Variants in JMJD1C observed in about 807,000 individuals in gnomAD.
JMJD1C encodes the protein jumonji domain-containing protein 1C.
A neutral mutation model predicts 245.3 loss-of-function variants in JMJD1C; 31 were observed. That is an observed-to-expected ratio of 0.13 (90% CI 0.09 to 0.17). The LOEUF is 0.17. Among genes scored for constraint, JMJD1C ranks in the 10% least tolerant of loss-of-function variants. JMJD1C has a pLI of 1.00. For missense variants in JMJD1C, 2,691 were observed against 3,000.2 expected, an observed-to-expected ratio of 0.90 and a Z score of 2.41; for synonymous variants, 1,057 against 1,017.4, an observed-to-expected ratio of 1.04 and a Z score of -0.74.
intron 10 of JMJD1C, chr10:63,204,309 T>TA: frequency 1.0e-6 from 1 of 985,380 alleles, no homozygotes; most frequent in Non-Finnish European, 1.2e-6. Flanking sequence ...GAGATTTGAC[T>TA]AAACATTACA....
chr10:63,244,726 CAA>C (rs1851944767), intron 3 of JMJD1C, among the ~76,000 whole-genome samples: 1 of 145,964 alleles, frequency 6.9e-6, no homozygotes, highest in African/African-American at 2.5e-5. Context: ...CTATCGTCCT[CAA>C]GAGACTGAGG....
chr10:63,378,358 G>A (rs951229065), intron 2 of JMJD1C, among the ~76,000 whole-genome samples: 15 of 152,096 alleles, frequency 9.9e-5, no homozygotes, highest in East Asian at 1.9e-4. Context: ...TTGGAGGGCC[G>A]AGGCGGGTGG....
At chr10:63,359,764 G>A (rs1447569099) in intron 2 of JMJD1C, among the ~76,000 whole-genome samples, 1 of 152,138 alleles carries the variant, frequency 6.6e-6, no homozygotes, top group African/African-American at 2.4e-5. Context: ...AGTTATTGAA[G>A]AAAGTACTGA....
At chr10:63,321,960 T>C (rs1237252534) in intron 2 of JMJD1C, among the ~76,000 whole-genome samples, 2 of 152,216 alleles carry the variant, frequency 1.3e-5, no homozygotes, top group African/African-American at 4.8e-5. Flanking sequence ...CCCTTCTAAC[T>C]GCTGAAGCTG....
chr10:63,476,394 G>A (rs1409447375), intron 1 of JMJD1C, among the ~76,000 whole-genome samples: 1 of 151,914 alleles, frequency 6.6e-6, no homozygotes, highest in African/African-American at 2.4e-5. Flanking sequence ...CAAATTCTCA[G>A]CATAAATACG....
chr10:63,455,178 G>C (rs887937902), intron 1 of JMJD1C, among the ~76,000 whole-genome samples: 6 of 152,284 alleles, frequency 3.9e-5, no homozygotes, highest in African/African-American at 1.4e-4. Context: ...GTGGGAGTGA[G>C]ATTATTCAAA....
At chr10:63,399,603 A>C (rs1948728033) in intron 1 of JMJD1C, among the ~76,000 whole-genome samples, 2 of 152,206 alleles carry the variant, frequency 1.3e-5, no homozygotes, top group African/African-American at 4.8e-5. Flanking sequence ...AACAGTCTAG[A>C]AATAATAATA....
chr10:63,235,145 C>A (rs184993891), intron 3 of JMJD1C, among the ~76,000 whole-genome samples: 48 of 152,256 alleles, frequency 3.2e-4, no homozygotes, highest in Non-Finnish European at 5.9e-4. Flanking sequence ...GTTTCAGATA[C>A]TGTGCTAGAA....
chr10:63,277,262 G>A (rs546440660), intron 2 of JMJD1C, among the ~76,000 whole-genome samples: 3 of 149,332 alleles, frequency 2.0e-5, no homozygotes, highest in South Asian at 4.3e-4. Flanking sequence ...GCCTCCCCGA[G>A]TGCCAGGGCA....
chr10:63,329,868 C>A (rs1360497480), intron 2 of JMJD1C, among the ~76,000 whole-genome samples: 1 of 152,136 alleles, frequency 6.6e-6, no homozygotes, highest in African/African-American at 2.4e-5. Context: ...TGATTTTGCC[C>A]AACTATAGGG....
chr10:63,301,856 A>G, intron 2 of JMJD1C: 1 of 378,220 alleles, frequency 2.6e-6, no homozygotes, highest in Non-Finnish European at 5.2e-6. Context: ...TGAAGAAAAA[A>G]CAAACAAATG....
intron 23 of JMJD1C, 65 bp from the exon 24 acceptor site, chr10:63,176,538 A>C (rs1233399671): frequency 8.3e-7 from 1 of 1,205,324 alleles, no homozygotes; most frequent in East Asian, 2.4e-5. Context: ...TGTTCAGTTA[A>C]ATTTCAATTT....
rs576484869 is a variant in JMJD1C, at chr10:63,327,077, C to T, written c.333+53241G>A. ...TGGCATCCACCTGTAGTCCCAGCTA[C>T]CGAGGAGGCTGAGGTAGGAGAATCG... On this transcript the variant is annotated intron_variant, in intron 2 of 25. Transcript: ENST00000399262. Among the ~76,000 whole-genome samples, 30 of 152,156 alleles carry T rather than the reference C, an allele frequency of 2.0e-4. No individual in the cohort carries two copies. The South Asian group carries it at 5.2e-3, about 26-fold the overall frequency.
chr10:63,255,379 T>C (rs937507812), intron 3 of JMJD1C, among the ~76,000 whole-genome samples: 2 of 152,222 alleles, frequency 1.3e-5, no homozygotes, highest in African/African-American at 4.8e-5. Flanking sequence ...GGTAGGTGAA[T>C]TGATACTGAC....
intron 11 of JMJD1C, among the ~76,000 whole-genome samples, chr10:63,199,714 G>C (rs1845818370): frequency 6.6e-6 from 1 of 152,014 alleles, no homozygotes; most frequent in Admixed American, 6.6e-5. Flanking sequence ...TTTAGGGATT[G>C]TTGGCTACAA....
chr10:63,287,010 T>C (rs1471150653), intron 2 of JMJD1C, among the ~76,000 whole-genome samples: 1 of 152,052 alleles, frequency 6.6e-6, no homozygotes, highest in South Asian at 2.1e-4. Flanking sequence ...AACAAAAAAT[T>C]TATCAGCCCT....
At chr10:63,458,731 A>ATTTTTT (rs71463523) in intron 1 of JMJD1C, among the ~76,000 whole-genome samples, 1 of 145,352 alleles carries the variant, frequency 6.9e-6, no homozygotes, top group South Asian at 2.1e-4. Context: ...TTATTTATTT[A>ATTTTTT]TTTTTTTTTT....
rs947785983 is a variant in JMJD1C, at chr10:63,419,672, A to T, written c.169-39190T>A. 7.2e-5 allele frequency among the ~76,000 whole-genome samples: 11 copies of T among 152,150 alleles called. No individual in the cohort carries two copies. In the East Asian group the frequency reaches 2.1e-3, roughly 29 times the overall value. ...TCAGAAAGGCTATATCCTGGGAGCAAAAGTAACCCAGAATTAAGTCAGTTC... is the reference window on the plus strand; with the variant it reads ...TCAGAAAGGCTATATCCTGGGAGCATAAGTAACCCAGAATTAAGTCAGTTC... On this transcript the variant is annotated intron_variant, in intron 1 of 25. Coordinates refer to ENST00000399262, the MANE Select transcript of JMJD1C (RefSeq NM_032776.3).
chr10:63,470,635 TCTTCTAAA>T (rs1464207413), upstream of JMJD1C, among the ~76,000 whole-genome samples: 3 of 152,192 alleles, frequency 2.0e-5, no homozygotes, highest in Non-Finnish European at 2.9e-5. Context: ...CTATTCTTAG[TCTTCTAAA>T]AAGAACAGTC....
Sources: allele counts gnomAD v4.1 joint callset (sites outside exome capture counted in the v4.1 genomes callset), GRCh38; gene constraint gnomAD v4.1.1; transcripts MANE v1.5; gene names NCBI Gene and HGNC (gene_info 2026-07-23, HGNC 2026-07-21).